The following FGF14 variants were observed in gnomAD, a reference collection of about 807,000 sequenced individuals.
FGF14 encodes fibroblast growth factor 14.
In FGF14, 5 loss-of-function variants were observed where a neutral mutation model predicts 25.5. That is an observed-to-expected ratio of 0.20 (90% CI 0.10 to 0.41). The LOEUF is 0.41. Among genes scored for constraint, FGF14 ranks in the 10% least tolerant of loss-of-function variants. FGF14 has a pLI of 1.00. For synonymous variants in FGF14, 138 were observed against 118.3 expected (o/e 1.17, Z -1.08); for missense variants, 222 against 320.1 (o/e 0.69, Z 2.34).
intron 1 of FGF14, among the ~76,000 whole-genome samples, chr13:102,303,922 T>C (rs2055219018): frequency 1.3e-5 from 2 of 152,178 alleles, no homozygotes; most frequent in Admixed American, 6.5e-5. Flanking sequence ...AAGCAACAAA[T>C]TTACCAACAG....
At chr13:101,965,109 C>G (rs953509448) in intron 1 of FGF14, among the ~76,000 whole-genome samples, 1 of 151,924 alleles carries the variant, frequency 6.6e-6, no homozygotes, top group African/African-American at 2.4e-5. Context: ...ATTAGCTGGG[C>G]GAGGTGGGAG....
Position 102,276,948 on chromosome 13 carries a change from G to C in FGF14, c.208+124523C>G, listed in dbSNP as rs1450379467. On this transcript the variant is annotated intron_variant, in intron 1 of 4. Coordinates refer to the FGF14 transcript ENST00000376131. ...CCTATCTAAAATTAATGGAGGCCAA[G>C]AAGCAAAAGTTATGAAGCTAAGGGT... Among the ~76,000 whole-genome samples the C allele has an allele frequency of 2.6e-5, 4 of 152,304 alleles. No homozygotes were observed. The East Asian group carries it at 7.7e-4, about 29-fold the overall frequency.
chr13:101,784,798 A>G (rs2039708106), intron 3 of FGF14, among the ~76,000 whole-genome samples: 1 of 152,150 alleles, frequency 6.6e-6, no homozygotes, highest in South Asian at 2.1e-4. Context: ...ATAGACATAC[A>G]CTGTTGAATG....
intron 1 of FGF14, among the ~76,000 whole-genome samples, chr13:102,328,532 C>T (rs760049145): frequency 1.3e-5 from 2 of 152,226 alleles, no homozygotes; most frequent in Non-Finnish European, 2.9e-5. Flanking sequence ...CCCCTCTAGA[C>T]TGTGAACTCC....
intron 1 of FGF14, among the ~76,000 whole-genome samples, chr13:102,113,546 T>C (rs543469700): frequency 6.6e-6 from 1 of 152,348 alleles, no homozygotes; most frequent in Admixed American, 6.5e-5. Context: ...TATTCTACAT[T>C]GACTCCACCT....
At chr13:101,785,219 A>G (rs1197511881) in intron 3 of FGF14, among the ~76,000 whole-genome samples, 3 of 151,912 alleles carry the variant, frequency 2.0e-5, no homozygotes, top group African/African-American at 4.8e-5. Flanking sequence ...ATAGATATGT[A>G]AATTATTCAA....
chr13:101,801,570 T>C (rs750987916), intron 3 of FGF14, among the ~76,000 whole-genome samples: 4 of 152,148 alleles, frequency 2.6e-5, no homozygotes, highest in Non-Finnish European at 5.9e-5. Context: ...GTGCTGAGAT[T>C]TGAGGGTTTT....
chr13:102,065,983 A>G (rs557537677), intron 1 of FGF14, among the ~76,000 whole-genome samples: 1 of 152,210 alleles, frequency 6.6e-6, no homozygotes, highest in East Asian at 1.9e-4. Context: ...ACATATTCCA[A>G]TCCACTTTTG....
chr13:101,991,297 C>A (rs1052558147), intron 1 of FGF14, among the ~76,000 whole-genome samples: 3 of 152,084 alleles, frequency 2.0e-5, no homozygotes, highest in Non-Finnish European at 4.4e-5. Flanking sequence ...CAAAGGATGT[C>A]TCTTCCATAA....
intron 1 of FGF14, among the ~76,000 whole-genome samples, chr13:101,910,837 C>CGTGTGTGTGTGTGT (rs59758881): frequency 1.5e-4 from 20 of 129,222 alleles, no homozygotes; most frequent in Non-Finnish European, 2.0e-4. Flanking sequence ...GATTTGGATT[C>CGTGTGTGTGTGTGT]GTGTGTGTGT....
chr13:101,741,761 A>G (rs1394635999), intron 3 of FGF14, among the ~76,000 whole-genome samples: 1 of 152,094 alleles, frequency 6.6e-6, no homozygotes, highest in East Asian at 1.9e-4. Flanking sequence ...ATCTGGTTTC[A>G]TAGATTAGTT....
intron 1 of FGF14, among the ~76,000 whole-genome samples, chr13:102,091,694 C>T (rs544818498): frequency 6.6e-6 from 1 of 152,144 alleles, no homozygotes; most frequent in East Asian, 1.9e-4. Context: ...TTCACTAGAC[C>T]TTCCCTCGAA....
intron 1 of FGF14, among the ~76,000 whole-genome samples, chr13:102,223,036 A>T (rs2050685360): frequency 6.6e-6 from 1 of 152,210 alleles, no homozygotes; most frequent in Non-Finnish European, 1.5e-5. Context: ...GGTCAGTTAA[A>T]CTATCCTGGA....
At chr13:102,227,504 C>T (rs191996803) in intron 1 of FGF14, among the ~76,000 whole-genome samples, 10 of 152,172 alleles carry the variant, frequency 6.6e-5, no homozygotes, top group African/African-American at 2.4e-4. Context: ...CTATGCATCC[C>T]CACCCTGATG....
intron 1 of FGF14, among the ~76,000 whole-genome samples, chr13:102,202,119 T>G (rs1010191364): frequency 1.3e-5 from 2 of 152,132 alleles, no homozygotes; most frequent in African/African-American, 4.8e-5. Flanking sequence ...GACTGTAAGT[T>G]CCCTGAGGCC....
At chr13:101,770,060 G>A (rs569509526) in intron 3 of FGF14, among the ~76,000 whole-genome samples, 6 of 152,066 alleles carry the variant, frequency 3.9e-5, no homozygotes, top group Admixed American at 6.6e-5. Context: ...TGGGGGCAAG[G>A]GGCATAAGGG....
At chr13:102,278,490 G>T (rs1477537256) in intron 1 of FGF14, among the ~76,000 whole-genome samples, 2 of 152,134 alleles carry the variant, frequency 1.3e-5, no homozygotes, top group Non-Finnish European at 2.9e-5. Context: ...TGAAACAGGG[G>T]TGATTGAACA....
chr13:102,336,755 C>A (rs185925168), intron 1 of FGF14, among the ~76,000 whole-genome samples: 2 of 152,206 alleles, frequency 1.3e-5, no homozygotes, highest in East Asian at 1.9e-4. Context: ...ATGCAGCTGG[C>A]GATATGAAGT....
chr13:101,989,543 T>C (rs1270157067), intron 1 of FGF14, among the ~76,000 whole-genome samples: 2 of 152,132 alleles, frequency 1.3e-5, no homozygotes, highest in Non-Finnish European at 2.9e-5. Flanking sequence ...TAATGATTAA[T>C]GAAATGCTAC....
Sources: gnomAD v4.1 joint callset for allele counts (sites outside exome capture counted in the v4.1 genomes callset) on GRCh38, gnomAD v4.1.1 for gene constraint, MANE v1.5 for transcripts, NCBI Gene and HGNC (gene_info 2026-07-23, HGNC 2026-07-21) for gene names.